LMBR1: variants seen among roughly 807,000 people sequenced by gnomAD.
The protein encoded by LMBR1 is limb development membrane protein 1.
Under a neutral mutation model 73.9 loss-of-function variants are expected in LMBR1, and 52 were observed. The observed-to-expected ratio is 0.70, with a 90% CI of 0.56 to 0.89. LMBR1 has a LOEUF of 0.89. Among genes scored for constraint, LMBR1 ranks in the 40% least tolerant of loss-of-function variants. The probability of loss-of-function intolerance (pLI) is 0.00; values close to 1 mark genes in which losing one functional copy is unlikely to be tolerated. For synonymous variants in LMBR1, 215 were observed against 209.4 expected, an observed-to-expected ratio of 1.03 and a Z score of -0.23; for missense variants, 539 against 579.8, an observed-to-expected ratio of 0.93 and a Z score of 0.72.
chr7:156,845,654 A>AT (rs79600442), intron 1 of LMBR1, among the ~76,000 whole-genome samples: 18 of 149,964 alleles, frequency 1.2e-4, no homozygotes, highest in South Asian at 4.2e-4. Flanking sequence ...ATGGGTTGAA[A>AT]TTTTTTTTTT....
intron 5 of LMBR1, among the ~76,000 whole-genome samples, chr7:156,775,527 T>C (rs1273117308): frequency 2.0e-5 from 3 of 152,238 alleles, no homozygotes; most frequent in Non-Finnish European, 4.4e-5. Flanking sequence ...TAAGACATTA[T>C]ATCTTAAATC....
chr7:156,806,598 C>CTTTTTTTTT lies in LMBR1; in HGVS notation c.320-10115_320-10107dup, dbSNP rs71189962. ...GTTATCAGTAGGTTTTTTGTAGATG[C>CTTTTTTTTT]TTTTTTTTTTTTTTTTTTTTTTTTT... On this transcript the variant is annotated intron_variant, in intron 4 of 16. Coordinates refer to ENST00000353442, the MANE Select transcript of LMBR1 (RefSeq NM_022458.4). Among the ~76,000 whole-genome samples the CTTTTTTTTT allele has an allele frequency of 2.2e-4, 10 of 44,678 alleles. 1 individual carries two copies. The highest frequency in any genetic ancestry group is 1.0e-3 in the African/African-American group (10 of 9,876). The allele number at this position is 44,678 out of a possible 152,430, so 29.3% of individuals were successfully genotyped here. A position where few individuals can be genotyped will look rare whatever the true frequency, so the allele number is the denominator to read the frequency against.
At chr7:156,882,795 G>A (rs1207137618) in intron 1 of LMBR1, among the ~76,000 whole-genome samples, 3 of 152,136 alleles carry the variant, frequency 2.0e-5, no homozygotes, top group Non-Finnish European at 4.4e-5. Flanking sequence ...TACTCTGAGA[G>A]GCCGAGGCAG....
intron 1 of LMBR1, among the ~76,000 whole-genome samples, chr7:156,847,263 T>C (rs1017288190): frequency 6.6e-6 from 1 of 152,158 alleles, no homozygotes; most frequent in East Asian, 1.9e-4. Context: ...ATAGACCTTA[T>C]ACACTTCACA....
At chr7:156,728,450 T>A (rs1297799658) in intron 11 of LMBR1, among the ~76,000 whole-genome samples, 194 bp downstream of exon 11, 1 of 152,146 alleles carries the variant, frequency 6.6e-6, no homozygotes, top group African/African-American at 2.4e-5. Context: ...ATCTTCAGAA[T>A]TTTTTTTAAA....
chr7:156,761,985 A>AAAAAAAAAAAAAAC (rs1823125010), intron 8 of LMBR1, 149 bp downstream of exon 8: 1 of 575,812 alleles, frequency 1.7e-6, no homozygotes, highest in Non-Finnish European at 3.1e-6. Context: ...TCAAAAAAAA[A>AAAAAAAAAAAAAAC]AAAAAAACTT....
At chr7:156,861,390 G>A (rs1009517916) in intron 1 of LMBR1, among the ~76,000 whole-genome samples, 3 of 152,236 alleles carry the variant, frequency 2.0e-5, no homozygotes, top group East Asian at 1.9e-4. Context: ...GAGCAGGGGG[G>A]CCCTGGGCCC....
At position 156,717,316 on chromosome 7, in the gene LMBR1, G is replaced by A. The variant is rs139172203; in HGVS notation, c.1225+6796C>T. ...AATACAGGAGAGAGAGAAATGACAG[G>A]TTCTGTTTTAGAAATGACCAGTGTG... On this transcript the variant is annotated intron_variant, in intron 15 of 16. Transcript: ENST00000353442. 1.5e-3 allele frequency among the ~76,000 whole-genome samples: 224 copies of A among 152,274 alleles called. 2 individuals are homozygous for A. The highest frequency in any genetic ancestry group is 6.8e-3 in the Middle Eastern group (2 of 294).
intron 10 of LMBR1, among the ~76,000 whole-genome samples, chr7:156,730,066 T>C (rs1408176540): frequency 6.6e-6 from 1 of 152,082 alleles, no homozygotes; most frequent in Non-Finnish European, 1.5e-5. Flanking sequence ...GAGAAATCAA[T>C]GGGTAAAAGG....
rs563777996 is a variant in LMBR1 at position 156,863,153 on chromosome 7, G to A, written c.67-26268C>T. 1.4e-4 allele frequency among the ~76,000 whole-genome samples: 22 copies of A among 151,998 alleles called. No homozygotes were observed. In the East Asian group the frequency reaches 3.9e-3, roughly 27 times the overall value. On this transcript the variant is annotated intron_variant, in intron 1 of 16. Coordinates refer to ENST00000353442, the MANE Select transcript of LMBR1 (RefSeq NM_022458.4). ...ACAAATAGATATATATATATAAAGG[G>A]GAGTTTATTAAGTATTAACTCACAT...
chr7:156,826,775 G>C lies in LMBR1; in HGVS notation c.180-31C>G, dbSNP rs780836374. On this transcript the variant is annotated intron_variant, in intron 3 of 16. Coordinates refer to ENST00000353442, the MANE Select transcript of LMBR1 (RefSeq NM_022458.4). ...AGAAAGGAGAGTCACCATCACAAGT[G>C]ATCTGAAAAAGCAATGAACACGAAA... 1.8e-5 allele frequency: 28 copies of C among 1,572,892 alleles called. No individual in the cohort carries two copies. In the South Asian group the frequency reaches 2.7e-4, roughly 15 times the overall value.
In LMBR1 at chr7:156,678,254, A is replaced by G. The variant is rs1215406342; in HGVS notation, c.*5824T>C. ...TAGTTGCAGGCAACAGATACTTAGG[A>G]AAATCGGTGGGATGAAAGGCAGGAA... On this transcript the variant is annotated 3_prime_UTR_variant, in exon 17 of 17. Transcript: ENST00000353442. 2.6e-5 allele frequency: 4 copies of G among 152,278 alleles called. No homozygotes were observed. The highest frequency in any genetic ancestry group is 4.4e-5 in the Non-Finnish European group (3 of 68,074). 9.4% of individuals were successfully genotyped at this position (152,278 alleles called of 1,614,324 possible). A position where few individuals can be genotyped will look rare whatever the true frequency, so the allele number is the denominator to read the frequency against.
rs140592363 is a variant in LMBR1 at position 156,878,494 on chromosome 7, C to A, written c.66+14434G>T. 2.6e-3 allele frequency among the ~76,000 whole-genome samples: 400 copies of A among 152,212 alleles called. 4 individuals carry two copies. Among genetic ancestry groups the A allele is most frequent in the African/African-American group, 9.0e-3 (375 of 41,510 alleles). ...ATAAATAAAACACTTAGGAATATAC[C>A]TAACCAAGAAGGTAAAAGGCCTCTA... On this transcript the variant is annotated intron_variant, in intron 1 of 16. Transcript: ENST00000353442.
intron 1 of LMBR1, among the ~76,000 whole-genome samples, chr7:156,884,182 C>G (rs1346904647): frequency 1.3e-5 from 2 of 152,176 alleles, no homozygotes; most frequent in African/African-American, 2.4e-5. Context: ...AAATGCAGCC[C>G]CTGACATCTG....
intron 2 of LMBR1, among the ~76,000 whole-genome samples, chr7:156,834,101 T>C (rs939091853): frequency 2.0e-5 from 3 of 152,164 alleles, no homozygotes; most frequent in African/African-American, 7.2e-5. Flanking sequence ...AGTAAATTAT[T>C]ATACAATGTT....
At chr7:156,693,094 A>T (rs1278142070) in intron 15 of LMBR1, among the ~76,000 whole-genome samples, 1 of 152,214 alleles carries the variant, frequency 6.6e-6, no homozygotes, top group African/African-American at 2.4e-5. Context: ...GAATGAAAAA[A>T]GCATCAATGA....
chr7:156,673,918 A>G (rs7797221), downstream of LMBR1, among the ~76,000 whole-genome samples: 28,352 of 129,930 alleles, frequency 0.22, 2,815 homozygotes, highest in East Asian at 0.37. Context: ...AAAAAAAAAA[A>G]AAAAGAAAAA....
chr7:156,869,625 AAAC>A (rs1798976787), intron 1 of LMBR1, among the ~76,000 whole-genome samples: 1 of 152,214 alleles, frequency 6.6e-6, no homozygotes, highest in Non-Finnish European at 1.5e-5. Flanking sequence ...GACTAACAAA[AAAC>A]AACAAAATGG....
intron 16 of LMBR1, among the ~76,000 whole-genome samples, chr7:156,684,987 C>T (rs1288939574): frequency 6.6e-6 from 1 of 152,008 alleles, no homozygotes; most frequent in Non-Finnish European, 1.5e-5. Flanking sequence ...AAATAAATTG[C>T]CCCTTACACA....
Sources: allele counts gnomAD v4.1 joint callset (sites outside exome capture counted in the v4.1 genomes callset), GRCh38; gene constraint gnomAD v4.1.1; transcripts MANE v1.5; gene names NCBI Gene and HGNC (gene_info 2026-07-23, HGNC 2026-07-21).